SEPTIN3: variants seen among roughly 807,000 people sequenced by gnomAD.
The protein encoded by SEPTIN3 is neuronal-specific septin-3.
A neutral mutation model predicts 45.1 loss-of-function variants in SEPTIN3; 15 were observed. That is an observed-to-expected ratio of 0.33 (90% confidence interval 0.22 to 0.51). The LOEUF is 0.51. Among genes scored for constraint, SEPTIN3 ranks in the 20% least tolerant of loss-of-function variants. SEPTIN3 has a pLI of 0.97. For missense variants in SEPTIN3, 289 were observed against 457.2 expected, an observed-to-expected ratio of 0.63 and a Z score of 3.35; for synonymous variants, 148 against 164.8, an observed-to-expected ratio of 0.90 and a Z score of 0.78.
Position 41,994,159 on chromosome 22 carries a change from G to A in SEPTIN3, c.2360-131G>A. 1 of 728,530 alleles carries A rather than the reference G, an allele frequency of 1.4e-6. No homozygotes were observed. The allele number at this position is 728,530 out of a possible 1,614,324, so 45.1% of individuals were successfully genotyped here. On this transcript the variant is annotated intron_variant, in intron 9 of 11. Transcript: ENST00000644076. This position sits in a 1 kb window ranked among gnomAD's most constrained non-coding sequence, Gnocchi z 4.2. ...ACCCAAGTGAGCAAATCTCTGGAAG[G>A]GTTACAAAAAATGACCTGTCCCATA...
rs1210394027 is a variant in SEPTIN3 at position 41,981,844 on chromosome 22, A to G, written c.1696+8A>G. On this transcript the variant is annotated splice_region_variant and intron_variant, in intron 3 of 11. Transcript: ENST00000644076. ...TCAACATCATGGTCGTTGGTACGGA[A>G]GGCTGTGGGGCTGCTGCAGGCCTGG... is the stretch of plus-strand genomic sequence containing the variant. 1 of 1,612,066 alleles carries G rather than the reference A, an allele frequency of 6.2e-7. No homozygotes were observed. The highest frequency in any genetic ancestry group is 8.5e-7 in the Non-Finnish European group (1 of 1,178,756).
Position 41,997,872 on chromosome 22 carries a change from C to G in SEPTIN3, c.*905C>G, listed in dbSNP as rs188701597. ...CCCAAGGGAGGGCAAAGCCCCCCAT[C>G]AGATGCATGAATGTTTGCGAATGTT... On this transcript the variant is annotated 3_prime_UTR_variant, in exon 12 of 12. Coordinates refer to ENST00000644076, the MANE Select transcript of SEPTIN3 (RefSeq NM_001363845.2). The G allele has an allele frequency of 1.6e-4, 25 of 152,796 alleles. No homozygotes were observed. Among genetic ancestry groups the G allele is most frequent in the African/African-American group, 5.8e-4 (24 of 41,580 alleles). The allele number at this position is 152,796 out of a possible 1,614,324, so 9.5% of individuals were successfully genotyped here.
intron 6 of SEPTIN3, among the ~76,000 whole-genome samples, chr22:41,989,148 GAC>G (rs1354866647): frequency 9.2e-6 from 1 of 109,116 alleles, no homozygotes. Context: ...AAAAAAAAAA[GAC>G]ACACACAGTG....
intron 11 of SEPTIN3, chr22:41,996,350 C>T (rs953934290): frequency 3.0e-6 from 3 of 985,380 alleles, no homozygotes; most frequent in Non-Finnish European, 1.2e-6. Context: ...CTAAGTGAAA[C>T]TGTTTACAAT....
rs531973488 is a variant in SEPTIN3 at position 41,975,733 on chromosome 22, T to G, written c.1504+2737T>G. 1.1e-4 allele frequency among the ~76,000 whole-genome samples: 17 copies of G among 152,320 alleles called. No homozygotes were observed. In the East Asian group the frequency reaches 2.9e-3, roughly 26 times the overall value. ...ATCTCATCCAGTCTACTTCCCACCT[T>G]GTTGGTTTACCTCCTCAGTACTCAA... is the stretch of plus-strand genomic sequence containing the variant. On this transcript the variant is annotated intron_variant, in intron 2 of 11. Coordinates refer to ENST00000644076, the MANE Select transcript of SEPTIN3 (RefSeq NM_001363845.2).
chr22:41,973,486 C>T (rs1048940857), intron 2 of SEPTIN3, among the ~76,000 whole-genome samples: 17 of 145,120 alleles, frequency 1.2e-4, no homozygotes, highest in South Asian at 2.3e-4. Flanking sequence ...GGTGAAACCC[C>T]GTCTCTACTA....
Position 41,994,802 on chromosome 22 carries a change from C to T in SEPTIN3, c.2505+88C>T, listed in dbSNP as rs776345606. Reference sequence around the variant, plus strand: ...CACACATACCCACTTCACACACACACATCCCAAATACCACCACCAACCACC... The same window carrying T: ...CACACATACCCACTTCACACACACATATCCCAAATACCACCACCAACCACC... On this transcript the variant is annotated intron_variant, in intron 11 of 11. Coordinates refer to ENST00000644076, the MANE Select transcript of SEPTIN3 (RefSeq NM_001363845.2). This position sits in a 1 kb window ranked among gnomAD's most constrained non-coding sequence, Gnocchi z 4.2. 3.1e-6 allele frequency: 5 copies of T among 1,611,214 alleles called. No individual in the cohort carries two copies. The South Asian group carries it at 5.5e-5, about 18-fold the overall frequency.
chr22:41,981,585 C>T (rs1193175339), intron 2 of SEPTIN3, 60 bp from the exon 3 acceptor site: 1 of 1,399,536 alleles, frequency 7.1e-7, no homozygotes, highest in Non-Finnish European at 9.8e-7. Context: ...CCATGGTTTC[C>T]ATGTGACCTC....
intron 2 of SEPTIN3, among the ~76,000 whole-genome samples, chr22:41,977,448 A>C (rs2078048068): frequency 6.6e-6 from 1 of 152,092 alleles, no homozygotes; most frequent in Admixed American, 6.5e-5. Flanking sequence ...CAACCCCTAC[A>C]GGCACACGCT....
intron 2 of SEPTIN3, among the ~76,000 whole-genome samples, chr22:41,975,682 C>A (rs1290262461): frequency 6.6e-6 from 1 of 152,102 alleles, no homozygotes; most frequent in Non-Finnish European, 1.5e-5. Context: ...CCCGGGTATC[C>A]TCTTCTTCCT....
In SEPTIN3 at chr22:41,971,746, C is replaced by T. The variant is rs551142353; in HGVS notation, c.254C>T (p.Thr85Met). 10 of 399,204 alleles carry T rather than the reference C, an allele frequency of 2.5e-5. No homozygotes were observed. In the South Asian group the frequency reaches 6.4e-4, roughly 25 times the overall value. The allele number at this position is 399,204 out of a possible 1,614,324, so 24.7% of individuals were successfully genotyped here. A position where few individuals can be genotyped will look rare whatever the true frequency, so the allele number is the denominator to read the frequency against. ...ACCCGGAGTGTGCCCCCACAGGAGA[C>T]GGGCATCGCTCTGGGGGCTTCCTTG... ...ARTRSVPPQE[T>M]GIALGASLSP... The change falls in exon 2 of 12, where the codon ACG (threonine) becomes ATG (methionine). Residue 85 changes from threonine (T) to methionine (M), a missense_variant. Physicochemically the swap from Thr to Met is moderately conservative, Grantham distance 81. Around this residue, in one of 3 missense-constraint regions of SEPTIN3, gnomAD observed 200 missense variants for 315.1 expected, o/e 0.63. Transcript: ENST00000644076.
intron 2 of SEPTIN3, among the ~76,000 whole-genome samples, chr22:41,974,523 T>C (rs1602409460): frequency 6.8e-6 from 1 of 148,042 alleles, no homozygotes; most frequent in Non-Finnish European, 1.5e-5. Flanking sequence ...ATTAGCCGGG[T>C]GTGGTGGTGG....
In SEPTIN3 at chr22:41,994,519, G is replaced by A. The variant is rs764280187; in HGVS notation, c.2412-102G>A. The A allele has an allele frequency of 5.1e-6, 8 of 1,572,508 alleles. No homozygotes were observed. Among genetic ancestry groups the A allele is most frequent in the African/African-American group, 1.4e-5 (1 of 74,056 alleles). ...AGAAGAATCCTTAGCTCCTGGGAGT[G>A]GTTCCCATTCACTGGGTCCAGTCCC... On this transcript the variant is annotated intron_variant, in intron 10 of 11. Coordinates refer to ENST00000644076, the MANE Select transcript of SEPTIN3 (RefSeq NM_001363845.2). This position sits in a 1 kb window ranked among gnomAD's most constrained non-coding sequence, Gnocchi z 4.2.
intron 3 of SEPTIN3, among the ~76,000 whole-genome samples, chr22:41,984,508 T>C (rs547873118): frequency 7.2e-5 from 11 of 152,164 alleles, no homozygotes; most frequent in Admixed American, 1.3e-4. Context: ...CTTGTACGTG[T>C]TGAAGTTTGA....
At chr22:41,982,540 G>C (rs1448062260) in intron 3 of SEPTIN3, among the ~76,000 whole-genome samples, 2 of 151,394 alleles carry the variant, frequency 1.3e-5, no homozygotes, top group Non-Finnish European at 2.9e-5. Flanking sequence ...AAAAGATTTT[G>C]AGAGAATTTC....
At chr22:41,974,467 A>G (rs1257275412) in intron 2 of SEPTIN3, among the ~76,000 whole-genome samples, 2 of 152,064 alleles carry the variant, frequency 1.3e-5, no homozygotes, top group African/African-American at 2.4e-5. Context: ...GATCAAGACC[A>G]TCCTGGCTAA....
chr22:41,989,405 C>T (rs1042163020), intron 6 of SEPTIN3, among the ~76,000 whole-genome samples, 162 bp from the exon 7 acceptor site: 2 of 152,162 alleles, frequency 1.3e-5, no homozygotes, highest in Admixed American at 1.3e-4. Context: ...CTACAGACGG[C>T]AAGGCAGTGG....
intron 11 of SEPTIN3, chr22:41,996,667 T>G: frequency 7.2e-7 from 1 of 1,379,568 alleles, no homozygotes; most frequent in Non-Finnish European, 9.4e-7. Context: ...AGCCCAGAGG[T>G]TATACATTTC....
intron 11 of SEPTIN3, chr22:41,995,786 T>A: frequency 1.1e-6 from 1 of 944,088 alleles, no homozygotes; most frequent in Non-Finnish European, 1.3e-6. Context: ...AGGCAGCCAA[T>A]GTAAAGAGGG....
Sources: gnomAD v4.1 joint callset for allele counts (sites outside exome capture counted in the v4.1 genomes callset) on GRCh38, gnomAD v4.1.1 for gene constraint, gnomAD v4.1.1 regional missense constraint, Gnocchi (gnomAD v3.1) non-coding constraint, MANE v1.5 for transcripts, NCBI Gene and HGNC (gene_info 2026-07-23, HGNC 2026-07-21) for gene names.